Variants in BSCL2 observed in about 807,000 individuals in gnomAD.
BSCL2 encodes seipin.
In BSCL2, 41 loss-of-function variants were observed where a neutral mutation model predicts 57.4. That is an observed-to-expected ratio of 0.71 (90% CI 0.56 to 0.93). The LOEUF (loss-of-function observed/expected upper bound fraction) is 0.93, where lower values mean the gene tolerates loss of function less well. Among genes scored for constraint, BSCL2 ranks in the 40% least tolerant of loss-of-function variants. BSCL2 has a pLI of 0.00. For missense variants in BSCL2, 539 were observed against 586.7 expected (o/e 0.92, Z 0.84); for synonymous variants, 237 against 227.3 (o/e 1.04, Z -0.38).
chr11:62,705,808 C>T, intron 1 of BSCL2, 191 bp from the exon 2 acceptor site: 1 of 627,322 alleles, frequency 1.6e-6, no homozygotes, highest in Admixed American at 3.0e-5. Flanking sequence ...ACTGTGTTCC[C>T]TCCCGCCCAG....
In BSCL2 at chr11:62,690,441, CA is replaced by C; in HGVS notation, c.1314del (p.Val439SerfsTer2). 1.2e-6 allele frequency: 2 copies of C among 1,614,156 alleles called. No individual in the cohort carries two copies. Among genetic ancestry groups the C allele is most frequent in the Non-Finnish European group, 1.7e-6 (2 of 1,180,032 alleles). On this transcript the variant is annotated frameshift_variant, in exon 11 of 11. Coordinates refer to ENST00000360796, the MANE Select transcript of BSCL2 (RefSeq NM_001122955.4). LOFTEE classifies it high-confidence loss of function. ...TCAGAGCTGCCCAGAGTCTCTAGGA[CA>C]GGGGCAGAAGCAGAAGCAGGAGCAG... ...PAPAPASASA[P>X]VLETLGSSEP...
At chr11:62,708,548 T>TG (rs1283549995), upstream of BSCL2, 39 of 1,380,822 alleles carry the variant, frequency 2.8e-5, no homozygotes, top group Admixed American at 3.6e-4. Context: ...CCCAGGCCTC[T>TG]GGGGGGGATG....
At chr11:62,691,238 C>T (rs1229890670) in intron 7 of BSCL2, 42 bp downstream of exon 7, 2 of 1,614,070 alleles carry the variant, frequency 1.2e-6, no homozygotes, top group African/African-American at 1.3e-5. Flanking sequence ...TGACCACCCA[C>T]AAAGATCAAA....
rs776343859 is a variant in BSCL2 at position 62,690,502 on chromosome 11, A to G, written c.1254T>C (p.Asp418=). The G allele has an allele frequency of 3.1e-6, 5 of 1,614,084 alleles. No homozygotes were observed. Among genetic ancestry groups the G allele is most frequent in the Non-Finnish European group, 3.4e-6 (4 of 1,180,042 alleles). ...GGTTGGCCTCCGTCAGCAAAGCTGC[A>G]TCTTCCCAGGAGCCTGAACCTGGGC... ...EASDGSGSWE[D]AALLTEANLP... Residue 418 remains aspartate (D), a synonymous_variant, in exon 11 of 11, where the codon GAT becomes GAC. Transcript: ENST00000360796.
At position 62,690,361 on chromosome 11, in the gene BSCL2, T is replaced by G; in HGVS notation, c.*6A>C. The G allele has an allele frequency of 6.2e-7, 1 of 1,613,896 alleles. No homozygotes were observed. Among genetic ancestry groups the G allele is most frequent in the Non-Finnish European group, 8.5e-7 (1 of 1,180,012 alleles). On this transcript the variant is annotated 3_prime_UTR_variant, in exon 11 of 11. Coordinates refer to ENST00000360796, the MANE Select transcript of BSCL2 (RefSeq NM_001122955.4). ...TGCTGGAATGTGAGGAGTCTGCCCCTTTTCTTCAGGAACTAGAGCAGGTGG... is the reference window on the plus strand; with the variant it reads ...TGCTGGAATGTGAGGAGTCTGCCCCGTTTCTTCAGGAACTAGAGCAGGTGG...
chr11:62,705,836 G>A, intron 1 of BSCL2: 1 of 554,368 alleles, frequency 1.8e-6, no homozygotes, highest in Non-Finnish European at 3.2e-6. Flanking sequence ...TCTCCTCAGT[G>A]GAATTCCTTC....
rs778486956 is a variant in BSCL2, at chr11:62,694,569, G to A, written c.629C>T (p.Ser210Leu). 19 of 1,613,784 alleles carry A rather than the reference G, an allele frequency of 1.2e-5. No homozygotes were observed. Among genetic ancestry groups the A allele is most frequent in the Admixed American group, 3.3e-5 (2 of 59,958 alleles). The change falls in exon 4 of 11, where the codon TCG (serine) becomes TTG (leucine). Residue 210 changes from serine (S) to leucine (L), a missense_variant and splice_region_variant. Ser to Leu is a moderately radical substitution (Grantham distance 145, BLOSUM62 -2). This residue lies in a region of BSCL2 where 73 missense variants were observed against 122.0 expected (regional missense o/e 0.60). Coordinates refer to ENST00000360796, the MANE Select transcript of BSCL2 (RefSeq NM_001122955.4). ...CTCAGACAGGCCACCAACACTTACC[G>A]AACGCGAAGAAGTGGAGATGATTCG... ...GGRIISTSSR[S>L]VMLHYRSDLL...
chr11:62,695,011 C>A lies in BSCL2; in HGVS notation c.487-300G>T, dbSNP rs141505917. Among the ~76,000 whole-genome samples, 420 of 152,348 alleles carry A rather than the reference C, an allele frequency of 2.8e-3. 4 individuals are homozygous for A. Among genetic ancestry groups the A allele is most frequent in the Middle Eastern group, 6.8e-3 (2 of 294 alleles). The stretch of plus-strand genomic sequence containing the variant: ...CAAAAGTGAACCATCATGTTGCCAA[C>A]TGGGCCATCTGTGACTCTGGCCTAT... On this transcript the variant is annotated intron_variant, in intron 3 of 10. Coordinates refer to ENST00000360796, the MANE Select transcript of BSCL2 (RefSeq NM_001122955.4).
chr11:62,690,638 T>C lies in BSCL2; in HGVS notation c.1208A>G (p.Glu403Gly). The C allele has an allele frequency of 1.9e-6, 3 of 1,613,956 alleles. No individual in the cohort carries two copies. Among genetic ancestry groups the C allele is most frequent in the Non-Finnish European group, 2.5e-6 (3 of 1,179,996 alleles). Reference protein sequence around the residue: ...KPDQQPLSGEEELEPEASDGS... With the variant: ...KPDQQPLSGEGELEPEASDGS... ...ATCACTGGCCTCAGGCTCTAGCTCC[T>C]CTTCTCCGCTCAGGGGCTGCTGATC... Residue 403 changes from glutamate to glycine, a missense_variant, in exon 10 of 11, where the codon GAG becomes GGG. Coordinates refer to ENST00000360796, the MANE Select transcript of BSCL2 (RefSeq NM_001122955.4).
chr11:62,707,626 G>T, upstream of BSCL2: 1 of 497,608 alleles, frequency 2.0e-6, no homozygotes, highest in Non-Finnish European at 3.7e-6. Flanking sequence ...CAGGCAGCTA[G>T]GCTCCCCCAC....
intron 8 of BSCL2, 80 bp downstream of exon 8, chr11:62,690,995 C>T: frequency 1.9e-6 from 3 of 1,586,620 alleles, no homozygotes; most frequent in South Asian, 1.1e-5. Context: ...AAGCCTCATA[C>T]TGGATGAAGC....
At chr11:62,700,470 G>A (rs905769780) in intron 3 of BSCL2, among the ~76,000 whole-genome samples, 6 of 151,624 alleles carry the variant, frequency 4.0e-5, no homozygotes, top group Admixed American at 1.3e-4. Flanking sequence ...ATCAAACCCC[G>A]TCTCTATTAA....
chr11:62,691,112 C>A lies in BSCL2; in HGVS notation c.1035G>T (p.Arg345=). 6.2e-7 allele frequency: 1 copy of A among 1,614,254 alleles called. No individual in the cohort carries two copies. The highest frequency in any genetic ancestry group is 8.5e-7 in the Non-Finnish European group (1 of 1,180,048). Residue 345 remains arginine, a synonymous_variant, in exon 8 of 11, where the codon CGG becomes CGT. Coordinates refer to ENST00000360796, the MANE Select transcript of BSCL2 (RefSeq NM_001122955.4). ...QVNIRKRDNS[R]KEVQRRISAH... Reference sequence around the variant, plus strand: ...CAGAGATCCTTCGTTGGACTTCCTTCCGGGAATTGTCTCTTTTTCGGATGT... The same window carrying A: ...CAGAGATCCTTCGTTGGACTTCCTTACGGGAATTGTCTCTTTTTCGGATGT...
Position 62,707,140 on chromosome 11 carries a change from C to T in BSCL2, c.56G>A (p.Gly19Glu). The T allele has an allele frequency of 6.4e-7, 1 of 1,554,674 alleles. No individual in the cohort carries two copies. Among genetic ancestry groups the T allele is most frequent in the Non-Finnish European group, 8.7e-7 (1 of 1,147,880 alleles). Residue 19 changes from glycine (G) to glutamate (E), a missense_variant, in exon 1 of 11, where the codon GGA becomes GAA. Physicochemically the swap from Gly to Glu is moderately conservative, Grantham distance 98 (BLOSUM62 -2). Coordinates refer to ENST00000360796, the MANE Select transcript of BSCL2 (RefSeq NM_001122955.4). ...TTTGTCCGGTCCTTTGATCTGGTCTCCGCACACCTCTTTTTCCCCAGCTTC... is the reference window on the plus strand; with the variant it reads ...TTTGTCCGGTCCTTTGATCTGGTCTTCGCACACCTCTTTTTCCCCAGCTTC... ...KEEAGEKEVC[G>E]DQIKGPDKEE... is the part of the protein sequence containing the mutation.
intron 5 of BSCL2, 94 bp downstream of exon 5, chr11:62,692,569 G>T (rs140455908): frequency 2.5e-6 from 4 of 1,611,846 alleles, no homozygotes; most frequent in Non-Finnish European, 3.4e-6. Context: ...TCTCTCAGTT[G>T]TGATGTCTCC....
At chr11:62,709,291 C>A (rs1474467940), upstream of BSCL2, 2 of 454,150 alleles carry the variant, frequency 4.4e-6, no homozygotes, top group East Asian at 6.9e-5. Flanking sequence ...TCAATGCAGG[C>A]TAGACATCGT....
At chr11:62,697,499 C>G (rs914840847) in intron 3 of BSCL2, 1 of 151,300 alleles carries the variant, frequency 6.6e-6, no homozygotes, top group Non-Finnish European at 1.5e-5. Flanking sequence ...TTAAAAGATC[C>G]GCTTTGGGCC....
chr11:62,696,841 C>T (rs2134711182), intron 3 of BSCL2, among the ~76,000 whole-genome samples: 1 of 152,212 alleles, frequency 6.6e-6, no homozygotes, highest in East Asian at 1.9e-4. Context: ...AGGTGTGAGC[C>T]ACTGCCCTTG....
Position 62,692,729 on chromosome 11 carries a change from T to C in BSCL2, c.699A>G (p.Leu233=), listed in dbSNP as rs368353394. The C allele has an allele frequency of 8.7e-6, 14 of 1,613,936 alleles. No homozygotes were observed. The highest frequency in any genetic ancestry group is 1.2e-5 in the Non-Finnish European group (14 of 1,180,028). The stretch of plus-strand genomic sequence containing the variant: ...GCTGCTTCTGCTCTGCAAAGCCAAA[T>C]AGCAGGAGGCTAGAGAAGACCAGTG... ...LDTLVFSSLL[L]FGFAEQKQLL... Residue 233 remains leucine, a synonymous_variant, in exon 5 of 11, where the codon CTA becomes CTG. Coordinates refer to ENST00000360796, the MANE Select transcript of BSCL2 (RefSeq NM_001122955.4).
Sources: gnomAD v4.1 joint callset for allele counts (sites outside exome capture counted in the v4.1 genomes callset) on GRCh38, gnomAD v4.1.1 for gene constraint, gnomAD v4.1.1 regional missense constraint, MANE v1.5 for transcripts, NCBI Gene and HGNC (gene_info 2026-07-23, HGNC 2026-07-21) for gene names.